PRKN: variants seen among roughly 807,000 people sequenced by gnomAD.
PRKN encodes E3 ubiquitin-protein ligase parkin.
In PRKN, 56 loss-of-function variants were observed where a neutral mutation model predicts 59.5. The observed-to-expected ratio is 0.94, with a 90% confidence interval of 0.76 to 1.18. The LOEUF (loss-of-function observed/expected upper bound fraction) is 1.18. PRKN is among the 50% of genes most tolerant of loss of function. PRKN has a pLI of 0.00. For missense variants in PRKN, 657 were observed against 596.4 expected (o/e 1.10, Z -1.06); for synonymous variants, 250 against 222.1 (o/e 1.13, Z -1.12).
intron 2 of PRKN, among the ~76,000 whole-genome samples, chr6:162,387,108 C>T (rs1786869002): frequency 6.6e-6 from 1 of 151,174 alleles, no homozygotes; most frequent in Non-Finnish European, 1.5e-5. Context: ...CTAGGGTGCA[C>T]ACTACAAAAT....
At chr6:162,509,699 C>T (rs1777509422) in intron 1 of PRKN, among the ~76,000 whole-genome samples, 1 of 152,134 alleles carries the variant, frequency 6.6e-6, no homozygotes, top group African/African-American at 2.4e-5. Context: ...TTGCTATCCC[C>T]AGAGCAGTAT....
intron 7 of PRKN, among the ~76,000 whole-genome samples, chr6:161,720,701 C>A (rs1884156): frequency 1 from 152,293 of 152,294 alleles, 76,146 homozygotes; most frequent in Middle Eastern, 1. Flanking sequence ...ATGAAAATGC[C>A]CTTTGCTTTC....
intron 4 of PRKN, among the ~76,000 whole-genome samples, chr6:162,118,098 A>T (rs9689232): frequency 0.41 from 62,125 of 151,720 alleles, 13,637 homozygotes; most frequent in African/African-American, 0.57. Context: ...CATTTTCATT[A>T]ACATTTCAAA....
At chr6:161,573,800 C>A (rs866497575) in intron 7 of PRKN, among the ~76,000 whole-genome samples, 9 of 56,850 alleles carry the variant, frequency 1.6e-4, no homozygotes, top group South Asian at 7.9e-4. Flanking sequence ...ATATATAAAA[C>A]TTCATTCAAC....
intron 7 of PRKN, among the ~76,000 whole-genome samples, chr6:161,601,804 G>A (rs913423232): frequency 1.1e-4 from 17 of 152,112 alleles, no homozygotes; most frequent in Non-Finnish European, 4.4e-5. Context: ...GGATGGTCTG[G>A]ATCTCCTGAC....
intron 1 of PRKN, among the ~76,000 whole-genome samples, chr6:162,715,235 G>A (rs994642412): frequency 1.3e-5 from 2 of 152,088 alleles, no homozygotes; most frequent in Admixed American, 6.5e-5. Flanking sequence ...ATTCCTCAAG[G>A]GACATGGAAG....
chr6:162,591,492 T>C (rs539046397), intron 1 of PRKN, among the ~76,000 whole-genome samples: 5 of 152,184 alleles, frequency 3.3e-5, no homozygotes, highest in Non-Finnish European at 7.3e-5. Flanking sequence ...TCAAGTATTC[T>C]TAAACGATGC....
At chr6:162,278,782 T>C (rs1780746076) in intron 2 of PRKN, among the ~76,000 whole-genome samples, 2 of 152,038 alleles carry the variant, frequency 1.3e-5, no homozygotes, top group Admixed American at 6.6e-5. Context: ...CTGAAGTGTT[T>C]AGGAACAAAA....
At chr6:162,627,561 G>C (rs1330289447) in intron 1 of PRKN, among the ~76,000 whole-genome samples, 2 of 151,996 alleles carry the variant, frequency 1.3e-5, no homozygotes, top group Non-Finnish European at 2.9e-5. Context: ...AGGGAGACTG[G>C]TGACCAAGAG....
intron 7 of PRKN, among the ~76,000 whole-genome samples, chr6:161,589,502 T>G (rs1353426475): frequency 1.3e-5 from 2 of 152,032 alleles, no homozygotes; most frequent in African/African-American, 4.8e-5. Flanking sequence ...TTCAAAGAGC[T>G]TGTTAAATTT....
intron 6 of PRKN, among the ~76,000 whole-genome samples, chr6:161,876,114 A>T (rs968196620): frequency 3.3e-5 from 5 of 152,128 alleles, no homozygotes; most frequent in Non-Finnish European, 7.3e-5. Context: ...ATCTTATGTC[A>T]TTGCTTTTCC....
At chr6:161,964,109 G>T (rs1410030259) in intron 6 of PRKN, among the ~76,000 whole-genome samples, 3 of 152,108 alleles carry the variant, frequency 2.0e-5, no homozygotes, top group Non-Finnish European at 4.4e-5. Flanking sequence ...GACCATGCAG[G>T]TTGGAGGGTA....
intron 9 of PRKN, among the ~76,000 whole-genome samples, chr6:161,507,508 C>A (rs147280237): frequency 6.6e-6 from 1 of 152,164 alleles, no homozygotes; most frequent in Non-Finnish European, 1.5e-5. Context: ...TTATAATCTA[C>A]AATCTCTTTT....
chr6:162,152,669 C>T (rs574670613), intron 4 of PRKN, among the ~76,000 whole-genome samples: 8 of 152,236 alleles, frequency 5.3e-5, no homozygotes, highest in East Asian at 1.9e-4. Flanking sequence ...AACAAGGTGA[C>T]GGTGAGGACA....
intron 1 of PRKN, among the ~76,000 whole-genome samples, chr6:162,536,786 AT>A (rs1425058862): frequency 6.6e-5 from 10 of 152,240 alleles, no homozygotes; most frequent in South Asian, 2.1e-4. Flanking sequence ...GAATAAACAC[AT>A]TTTTTTGAAG....
chr6:162,656,203 T>G (rs1778633821), intron 1 of PRKN, among the ~76,000 whole-genome samples: 1 of 152,164 alleles, frequency 6.6e-6, no homozygotes, highest in Non-Finnish European at 1.5e-5. Flanking sequence ...TTCAGCTACA[T>G]ATGTATTAAT....
chr6:162,340,531 T>A (rs1784129040), intron 2 of PRKN, among the ~76,000 whole-genome samples: 1 of 152,068 alleles, frequency 6.6e-6, no homozygotes, highest in Admixed American at 6.6e-5. Flanking sequence ...AAATCACTTG[T>A]AAAAAATCTC....
chr6:162,182,234 CAG>C (rs1245141202), intron 4 of PRKN, among the ~76,000 whole-genome samples: 1 of 152,170 alleles, frequency 6.6e-6, no homozygotes, highest in Non-Finnish European at 1.5e-5. Context: ...TCATTAAACA[CAG>C]ATGTTGCCTG....
At chr6:162,112,943 T>A (rs923567773) in intron 4 of PRKN, among the ~76,000 whole-genome samples, 2 of 152,066 alleles carry the variant, frequency 1.3e-5, no homozygotes, top group Non-Finnish European at 2.9e-5. Context: ...AAACACACCA[T>A]GACGTCCTGC....
Sources: allele counts gnomAD v4.1 joint callset (sites outside exome capture counted in the v4.1 genomes callset), GRCh38; gene constraint gnomAD v4.1.1; transcripts MANE v1.5; gene names NCBI Gene and HGNC (gene_info 2026-07-23, HGNC 2026-07-21).